The following GALNT11 variants were observed in gnomAD, a reference collection of about 807,000 sequenced individuals.
The protein encoded by GALNT11 is UDP-GalNAc:polypeptide N-acetylgalactosaminyltransferase 11.
In GALNT11, 47 loss-of-function variants were observed where a neutral mutation model predicts 72.7. That is an observed-to-expected ratio of 0.65 (90% CI 0.51 to 0.82). The LOEUF (loss-of-function observed/expected upper bound fraction) is 0.82, where lower values mean the gene tolerates loss of function less well. GALNT11 is among the 40% of genes least tolerant of loss of function. The pLI is 0.00. For synonymous variants in GALNT11, 270 were observed against 286.6 expected (o/e 0.94, Z 0.58); for missense variants, 677 against 778.4 (o/e 0.87, Z 1.55).
chr7:152,080,914 G>A (rs2085285343), intron 1 of GALNT11, among the ~76,000 whole-genome samples: 2 of 152,080 alleles, frequency 1.3e-5, no homozygotes, highest in African/African-American at 4.8e-5. Context: ...AGGTTGCAGT[G>A]AGCCAAGATC....
intron 8 of GALNT11, among the ~76,000 whole-genome samples, chr7:152,115,939 C>G (rs1057413663): frequency 2.6e-5 from 4 of 152,080 alleles, no homozygotes; most frequent in Admixed American, 2.6e-4. Flanking sequence ...GCCTGTAGTT[C>G]CAGCTACTCA....
intron 8 of GALNT11, among the ~76,000 whole-genome samples, chr7:152,114,070 TTTC>T (rs1053849447): frequency 1.3e-4 from 20 of 151,882 alleles, no homozygotes; most frequent in African/African-American, 4.4e-4. Context: ...GGCCTGGCCT[TTTC>T]TTTTACTCAT....
In GALNT11 at chr7:152,117,182, A is replaced by T; in HGVS notation, c.1259A>T (p.Asp420Val). 2 of 1,611,134 alleles carry T rather than the reference A, an allele frequency of 1.2e-6. No homozygotes were observed. Among genetic ancestry groups the T allele is most frequent in the Non-Finnish European group, 1.7e-6 (2 of 1,179,300 alleles). ...GAGCAGTATTTTTCCTTAAGACCTGACCTGAAGACGAAAAGCTATGGCAAT... is the reference window on the plus strand; with the variant it reads ...GAGCAGTATTTTTCCTTAAGACCTGTCCTGAAGACGAAAAGCTATGGCAAT... Reference protein sequence around the residue: ...YKEQYFSLRPDLKTKSYGNIS... With the variant: ...YKEQYFSLRPVLKTKSYGNIS... Residue 420 changes from aspartate to valine, a missense_variant, in exon 9 of 12, where the codon GAC becomes GTC. Asp to Val is a radical substitution (Grantham distance 152, BLOSUM62 -3). Coordinates refer to ENST00000430044, the MANE Select transcript of GALNT11 (RefSeq NM_022087.4).
intron 8 of GALNT11, among the ~76,000 whole-genome samples, chr7:152,116,292 C>T (rs1248217112): frequency 6.6e-6 from 1 of 152,042 alleles, no homozygotes; most frequent in East Asian, 1.9e-4. Context: ...ACTCTGTTGC[C>T]CAGGCTGTAG....
At chr7:152,053,611 T>G (rs1377259253) in intron 1 of GALNT11, among the ~76,000 whole-genome samples, 2 of 152,234 alleles carry the variant, frequency 1.3e-5, no homozygotes, top group Non-Finnish European at 2.9e-5. Flanking sequence ...TATTATTTCT[T>G]TACGATTTTT....
intron 1 of GALNT11, among the ~76,000 whole-genome samples, chr7:152,086,023 G>A (rs550169994): frequency 6.6e-6 from 1 of 152,072 alleles, no homozygotes; most frequent in African/African-American, 2.4e-5. Context: ...GAGTAGCTGG[G>A]ATTAGAGGCA....
intron 1 of GALNT11, among the ~76,000 whole-genome samples, chr7:152,044,888 C>T (rs1255117951): frequency 3.3e-5 from 5 of 151,786 alleles, no homozygotes; most frequent in African/African-American, 9.7e-5. Flanking sequence ...AACTTTCAGT[C>T]TTCCCCAATT....
intron 1 of GALNT11, among the ~76,000 whole-genome samples, chr7:152,060,174 C>T (rs990238338): frequency 6.6e-6 from 1 of 152,178 alleles, no homozygotes; most frequent in Non-Finnish European, 1.5e-5. Flanking sequence ...ATTTCTTCTG[C>T]AGCTTCCTTA....
At chr7:152,076,010 C>T (rs909693802) in intron 1 of GALNT11, among the ~76,000 whole-genome samples, 16 of 132,568 alleles carry the variant, frequency 1.2e-4, no homozygotes, top group African/African-American at 3.1e-4. Flanking sequence ...TGCAGTGAGC[C>T]GAGATCGTGC....
chr7:152,041,565 T>C (rs530726066), intron 1 of GALNT11, among the ~76,000 whole-genome samples: 1 of 152,316 alleles, frequency 6.6e-6, no homozygotes, highest in South Asian at 2.1e-4. Flanking sequence ...GTAACACCAG[T>C]AGGTGAATGC....
chr7:152,031,756 G>A (rs924042863), intron 1 of GALNT11, among the ~76,000 whole-genome samples: 2 of 152,162 alleles, frequency 1.3e-5, no homozygotes, highest in African/African-American at 4.8e-5. Flanking sequence ...GCTGGAGCTT[G>A]TACTAGGGCC....
chr7:152,072,314 CAAAAA>C (rs754741694), intron 1 of GALNT11, among the ~76,000 whole-genome samples: 5 of 62,312 alleles, frequency 8.0e-5, no homozygotes, highest in East Asian at 4.6e-4. Flanking sequence ...GACTCCGTCT[CAAAAA>C]AAAAAAAAAA....
At chr7:152,118,822 G>T in intron 10 of GALNT11, 40 bp downstream of exon 10, 1 of 1,539,648 alleles carries the variant, frequency 6.5e-7, no homozygotes, top group South Asian at 1.2e-5. Flanking sequence ...TGTCCGCAAG[G>T]AGGCTTCCAG....
At chr7:152,085,893 T>G (rs1363143299) in intron 1 of GALNT11, among the ~76,000 whole-genome samples, 1 of 148,980 alleles carries the variant, frequency 6.7e-6, no homozygotes, top group East Asian at 2.1e-4. Context: ...TTTTTGTTTT[T>G]TGTTTTTTTT....
At chr7:152,055,113 T>G (rs2152039464) in intron 1 of GALNT11, among the ~76,000 whole-genome samples, 1 of 152,306 alleles carries the variant, frequency 6.6e-6, no homozygotes, top group Admixed American at 6.5e-5. Flanking sequence ...TTTCCTCCTC[T>G]TATAAAGACA....
intron 1 of GALNT11, among the ~76,000 whole-genome samples, chr7:152,057,650 C>T (rs1042755030): frequency 1.3e-5 from 2 of 152,062 alleles, no homozygotes; most frequent in Non-Finnish European, 2.9e-5. Context: ...TATGTCCTGA[C>T]CCCCGTTCTT....
At chr7:152,098,339 T>C (rs920885252) in intron 2 of GALNT11, among the ~76,000 whole-genome samples, 3 of 151,800 alleles carry the variant, frequency 2.0e-5, no homozygotes, top group African/African-American at 7.3e-5. Context: ...TTATGAGGAT[T>C]GTTTGGGCCC....
intron 1 of GALNT11, among the ~76,000 whole-genome samples, chr7:152,053,439 C>T (rs1563048781): frequency 6.6e-6 from 1 of 152,170 alleles, no homozygotes; most frequent in Non-Finnish European, 1.5e-5. Context: ...GAATTTTAAT[C>T]CTTAAAGCCA....
At position 152,093,732 on chromosome 7, in the gene GALNT11, G is replaced by C. The variant is rs573965730; in HGVS notation, c.-38-458G>C. Among the ~76,000 whole-genome samples the C allele has an allele frequency of 1.1e-4, 16 of 152,176 alleles. No homozygotes were observed. In the South Asian group the frequency reaches 3.3e-3, roughly 32 times the overall value. The stretch of plus-strand genomic sequence containing the variant: ...TCATGAGCCACCACACCTGGCCAGA[G>C]TTGCTTAGAGTTGCTTATTTTTAAT... On this transcript the variant is annotated intron_variant, in intron 1 of 11. Transcript: ENST00000430044.
Sources: gnomAD v4.1 joint callset for allele counts (sites outside exome capture counted in the v4.1 genomes callset) on GRCh38, gnomAD v4.1.1 for gene constraint, MANE v1.5 for transcripts, NCBI Gene and HGNC (gene_info 2026-07-23, HGNC 2026-07-21) for gene names.